The following PLXDC2 variants were observed in gnomAD, a reference collection of about 807,000 sequenced individuals.
The protein encoded by PLXDC2 is plexin domain containing 2, also known as plexin domain-containing protein 2.
A neutral mutation model predicts 68.9 loss-of-function variants in PLXDC2; 40 were observed. The observed-to-expected ratio is 0.58, with a 90% CI of 0.45 to 0.76. PLXDC2 has a LOEUF of 0.76. Among genes scored for constraint, PLXDC2 ranks in the 30% least tolerant of loss-of-function variants. PLXDC2 has a pLI of 0.00. For missense variants in PLXDC2, 644 were observed against 661.9 expected (o/e 0.97, Z 0.30); for synonymous variants, 243 against 234.2 (o/e 1.04, Z -0.34).
chr10:20,186,957 G>C (rs1308227653), intron 9 of PLXDC2, among the ~76,000 whole-genome samples: 1 of 151,804 alleles, frequency 6.6e-6, no homozygotes, highest in Non-Finnish European at 1.5e-5. Flanking sequence ...GGGTCAAATG[G>C]TGTATTCTAT....
intron 1 of PLXDC2, among the ~76,000 whole-genome samples, chr10:19,830,109 G>T (rs941771544): frequency 6.6e-6 from 1 of 152,166 alleles, no homozygotes; most frequent in Non-Finnish European, 1.5e-5. Flanking sequence ...AACAATGAGT[G>T]AAATAGAAAT....
chr10:20,270,603 G>A (rs1174510772), intron 13 of PLXDC2, among the ~76,000 whole-genome samples: 1 of 151,842 alleles, frequency 6.6e-6, no homozygotes, highest in Non-Finnish European at 1.5e-5. Flanking sequence ...GGAGTGCAAT[G>A]GCATGGTCTT....
intron 4 of PLXDC2, among the ~76,000 whole-genome samples, chr10:20,132,486 T>A (rs1240375230): frequency 6.6e-6 from 1 of 152,192 alleles, no homozygotes; most frequent in African/African-American, 2.4e-5. Flanking sequence ...GAACTATTTC[T>A]CCTTTTAGCT....
intron 4 of PLXDC2, among the ~76,000 whole-genome samples, chr10:20,105,742 A>G (rs1833483252): frequency 6.6e-6 from 1 of 152,160 alleles, no homozygotes; most frequent in African/African-American, 2.4e-5. Flanking sequence ...CAGGCTCTCA[A>G]CATCCTCATT....
intron 2 of PLXDC2, among the ~76,000 whole-genome samples, chr10:20,033,549 T>C (rs187628623): frequency 6.6e-6 from 1 of 152,224 alleles, no homozygotes; most frequent in African/African-American, 2.4e-5. Flanking sequence ...AGCCTCACAA[T>C]CACGGCACAA....
intron 1 of PLXDC2, among the ~76,000 whole-genome samples, chr10:19,990,896 T>G (rs1470520288): frequency 6.6e-6 from 1 of 152,194 alleles, no homozygotes; most frequent in African/African-American, 2.4e-5. Context: ...TTAAATGTTT[T>G]ATTCCCAAAA....
intron 10 of PLXDC2, among the ~76,000 whole-genome samples, chr10:20,214,315 G>T (rs574882995): frequency 1.7e-4 from 26 of 151,662 alleles, no homozygotes; most frequent in African/African-American, 6.3e-4. Context: ...ATATTTGTCT[G>T]ATCCTATTCT....
intron 2 of PLXDC2, among the ~76,000 whole-genome samples, chr10:20,010,085 A>G (rs912974995): frequency 6.6e-6 from 1 of 152,082 alleles, no homozygotes; most frequent in African/African-American, 2.4e-5. Flanking sequence ...TTTTGCCTGA[A>G]CTTCTGTTCC....
At chr10:20,017,043 A>G (rs1263376523) in intron 2 of PLXDC2, among the ~76,000 whole-genome samples, 3 of 152,198 alleles carry the variant, frequency 2.0e-5, no homozygotes, top group African/African-American at 7.2e-5. Context: ...CTAGGCAATC[A>G]CAAATTGAAA....
At chr10:20,116,225 A>T (rs540500150) in intron 4 of PLXDC2, among the ~76,000 whole-genome samples, 1 of 152,340 alleles carries the variant, frequency 6.6e-6, no homozygotes, top group East Asian at 1.9e-4. Context: ...ATGTAAATGT[A>T]AAGGTGCTAT....
intron 7 of PLXDC2, among the ~76,000 whole-genome samples, chr10:20,173,485 T>C (rs890036003): frequency 2.0e-5 from 3 of 152,210 alleles, no homozygotes; most frequent in Admixed American, 1.3e-4. Context: ...AAGAAGATTC[T>C]TGGTGTTTCC....
At chr10:20,245,884 T>A (rs1027395732) in intron 13 of PLXDC2, among the ~76,000 whole-genome samples, 2 of 152,198 alleles carry the variant, frequency 1.3e-5, no homozygotes, top group African/African-American at 4.8e-5. Context: ...AATTGCTCAG[T>A]AAATGCTAAT....
intron 2 of PLXDC2, among the ~76,000 whole-genome samples, chr10:20,042,949 A>G (rs550914698): frequency 1.6e-4 from 24 of 152,338 alleles, no homozygotes; most frequent in African/African-American, 5.5e-4. Context: ...GCAACTAGGC[A>G]TATCACAGTA....
At chr10:20,058,304 G>A (rs1836036594) in intron 3 of PLXDC2, among the ~76,000 whole-genome samples, 3 of 152,110 alleles carry the variant, frequency 2.0e-5, no homozygotes, top group Admixed American at 2.0e-4. Context: ...CATGCTAGTG[G>A]AGTGGCAGCT....
chr10:20,279,889 A>C lies in PLXDC2; in HGVS notation c.*70A>C. The C allele has an allele frequency of 8.6e-7, 1 of 1,159,196 alleles. No individual in the cohort carries two copies. 71.8% of individuals were successfully genotyped at this position (1,159,196 alleles called of 1,614,324 possible). On this transcript the variant is annotated 3_prime_UTR_variant, in exon 14 of 14. Transcript: ENST00000377252. ...AGACTAAAATTTTGCCTATACCTTT[A>C]AGACAAACAAACAAACACACACACA...
chr10:20,018,236 C>A (rs1835246532), intron 2 of PLXDC2, among the ~76,000 whole-genome samples: 1 of 152,186 alleles, frequency 6.6e-6, no homozygotes, highest in South Asian at 2.1e-4. Context: ...GGCCTTCTCT[C>A]CAGAAAACAT....
Position 20,225,387 on chromosome 10 carries a change from ACTT to A in PLXDC2, c.1312+6289_1312+6291del, listed in dbSNP as rs1435762303. Reference sequence around the variant, plus strand: ...TACTTTTTGTTGATTTTTTTTGTACACTTCTTTTGTGTAGATCATAGTCCTATG... The same window carrying A: ...TACTTTTTGTTGATTTTTTTTGTACACTTTTGTGTAGATCATAGTCCTATG... On this transcript the variant is annotated intron_variant, in intron 12 of 13. Transcript: ENST00000377252. 2.0e-5 allele frequency among the ~76,000 whole-genome samples: 3 copies of A among 152,092 alleles called. No individual in the cohort carries two copies. In the East Asian group the frequency reaches 5.8e-4, roughly 29 times the overall value.
intron 6 of PLXDC2, among the ~76,000 whole-genome samples, chr10:20,162,073 AAGGAAGGAAGGAAGGAAG>A (rs1834305799): frequency 1.7e-5 from 1 of 59,052 alleles, no homozygotes; most frequent in African/African-American, 6.1e-5. Flanking sequence ...AGAGAGAGAG[AAGGAAGGAAGGAAGGAAG>A]GAAGGAAGGA....
chr10:20,061,120 A>C lies in PLXDC2; in HGVS notation c.472-7050A>C, dbSNP rs571532898. Among the ~76,000 whole-genome samples the C allele has an allele frequency of 4.9e-4, 74 of 152,334 alleles. No individual in the cohort carries two copies. In the South Asian group the frequency reaches 0.015, roughly 31 times the overall value. On this transcript the variant is annotated intron_variant, in intron 3 of 13. Transcript: ENST00000377252. Reference sequence around the variant, plus strand: ...CTTATATACTCGTGGTACCATTGACAATATCAACAAATTCACGTTGGTACT... The same window carrying C: ...CTTATATACTCGTGGTACCATTGACCATATCAACAAATTCACGTTGGTACT...
Sources: allele counts gnomAD v4.1 joint callset (sites outside exome capture counted in the v4.1 genomes callset), GRCh38; gene constraint gnomAD v4.1.1; transcripts MANE v1.5; gene names NCBI Gene and HGNC (gene_info 2026-07-23, HGNC 2026-07-21).